Variants in NCAPD2 observed in about 807,000 individuals in gnomAD.
The protein encoded by NCAPD2 is condensin complex subunit 1.
NCAPD2 carries 100 observed loss-of-function variants against 164.5 expected under a neutral mutation model. The observed-to-expected ratio is 0.61, with a 90% CI of 0.52 to 0.72. The LOEUF (loss-of-function observed/expected upper bound fraction) is 0.72. Ranked by LOEUF, NCAPD2 falls within the 30% of genes least tolerant of loss-of-function variation. NCAPD2 has a pLI of 0.00. For synonymous variants in NCAPD2, 585 were observed against 642.6 expected (o/e 0.91, Z 1.36); for missense variants, 1,560 against 1,749.2 (o/e 0.89, Z 1.93).
chr12:6,510,520 A>T, intron 4 of NCAPD2, 109 bp from the exon 5 acceptor site: 1 of 1,299,424 alleles, frequency 7.7e-7, no homozygotes. Context: ...CCACTGAGAG[A>T]TGAAACACAG....
chr12:6,498,272 A>G (rs530647947), intron 2 of NCAPD2, among the ~76,000 whole-genome samples: 5 of 152,332 alleles, frequency 3.3e-5, no homozygotes, highest in African/African-American at 1.2e-4. Context: ...CCTGAATACA[A>G]CTTCTCCTAT....
At chr12:6,510,266 T>A in intron 4 of NCAPD2, 133 bp downstream of exon 4, 2 of 1,027,690 alleles carry the variant, frequency 1.9e-6, no homozygotes, top group South Asian at 1.3e-5. Context: ...TTGGTTTGGC[T>A]AAGCCCAGGG....
At chr12:6,517,157 G>T in intron 10 of NCAPD2, 132 bp downstream of exon 10, 1 of 1,279,036 alleles carries the variant, frequency 7.8e-7, no homozygotes, top group South Asian at 1.4e-5. Context: ...AGTAGTAAAA[G>T]TCTTCCTCTA....
intron 2 of NCAPD2, among the ~76,000 whole-genome samples, chr12:6,497,221 A>C (rs1024192420): frequency 2.6e-5 from 4 of 152,170 alleles, no homozygotes; most frequent in African/African-American, 9.7e-5. Flanking sequence ...TATATGTGTC[A>C]CCAATTGAAC....
Position 6,528,111 on chromosome 12 carries a change from C to T in NCAPD2, c.3143+20C>T, listed in dbSNP as rs550762161. 8.1e-6 allele frequency: 13 copies of T among 1,614,074 alleles called. No individual in the cohort carries two copies. Among genetic ancestry groups the T allele is most frequent in the Admixed American group, 6.7e-5 (4 of 60,006 alleles). On this transcript the variant is annotated intron_variant, in intron 24 of 31. Transcript: ENST00000315579. The surrounding 1 kb of genome is among the most constrained non-coding windows in gnomAD (Gnocchi z 5.1). Reference sequence around the variant, plus strand: ...GATCAGGTAGGCCGTGGGGTTGGTACCCCCTTCTCAAGGAAGATGGGGATG... The same window carrying T: ...GATCAGGTAGGCCGTGGGGTTGGTATCCCCTTCTCAAGGAAGATGGGGATG...
intron 3 of NCAPD2, 105 bp from the exon 4 acceptor site, chr12:6,509,970 C>A: frequency 8.9e-6 from 12 of 1,346,410 alleles, no homozygotes; most frequent in Non-Finnish European, 1.3e-5. Context: ...TGAACAATTT[C>A]ACGTGTATTT....
chr12:6,531,499 GTC>G lies in NCAPD2; in HGVS notation c.*91_*92del. 1.3e-6 allele frequency: 2 copies of G among 1,533,278 alleles called. No homozygotes were observed. Among genetic ancestry groups the G allele is most frequent in the Non-Finnish European group, 8.7e-7 (1 of 1,144,654 alleles). The allele number at this position is 1,533,278 out of a possible 1,614,324, so 95.0% of individuals were successfully genotyped here. On this transcript the variant is annotated 3_prime_UTR_variant, in exon 32 of 32. Transcript: ENST00000315579. The surrounding 1 kb of genome is among the most constrained non-coding windows in gnomAD (Gnocchi z 4.1). ...TGTTTCCCTTGTAAAATATTTGTCTGTCTCTTTTTTTTAAAAAAAAAAAAGGC... is the reference window on the plus strand; with the variant it reads ...TGTTTCCCTTGTAAAATATTTGTCTGTCTTTTTTTTAAAAAAAAAAAAGGC...
intron 22 of NCAPD2, 51 bp downstream of exon 22, chr12:6,527,114 G>A (rs1946324838): frequency 1.3e-6 from 2 of 1,525,124 alleles, no homozygotes; most frequent in Non-Finnish European, 1.8e-6. Flanking sequence ...CCTCAGCTCA[G>A]AACTGAGCTG....
Position 6,526,528 on chromosome 12 carries a change from G to A in NCAPD2, c.2647G>A (p.Glu883Lys), listed in dbSNP as rs762710261. 13 of 1,614,048 alleles carry A rather than the reference G, an allele frequency of 8.1e-6. No individual in the cohort carries two copies. The highest frequency in any genetic ancestry group is 2.7e-5 in the African/African-American group (2 of 74,922). Residue 883 changes from glutamate (E) to lysine (K), a missense_variant, in exon 21 of 32, where the codon GAA (glutamate) becomes AAA (lysine). Coordinates refer to ENST00000315579, the MANE Select transcript of NCAPD2 (RefSeq NM_014865.4). ...TLIYQLAEGP[E>K]VICAQILQGC... ...CATTTACCAACTGGCAGAGGGCCCC[G>A]AAGTGATCTGTGCCCAGATATTGCA... is the stretch of plus-strand genomic sequence containing the variant.
In NCAPD2 at chr12:6,528,182, C is replaced by T; in HGVS notation, c.3153C>T (p.Phe1051=). ...LGKFCMISAT[F]CDSQLRLLFT... ...CTCTTCTTGCTCTTAGTGCCACTTT[C>T]TGCGACTCCCAGCTTCGTCTTCTGT... Residue 1051 remains phenylalanine (F), a synonymous_variant, in exon 25 of 32, where the codon TTC becomes TTT. Coordinates refer to ENST00000315579, the MANE Select transcript of NCAPD2 (RefSeq NM_014865.4). The surrounding 1 kb of genome is among the most constrained non-coding windows in gnomAD (Gnocchi z 5.1). The T allele has an allele frequency of 6.2e-7, 1 of 1,614,222 alleles. No individual in the cohort carries two copies. The highest frequency in any genetic ancestry group is 8.5e-7 in the Non-Finnish European group (1 of 1,180,048).
chr12:6,494,448 C>T (rs1480119746), intron 1 of NCAPD2, among the ~76,000 whole-genome samples: 2 of 152,214 alleles, frequency 1.3e-5, no homozygotes, highest in Admixed American at 1.3e-4. Flanking sequence ...TATTATTATG[C>T]ACCTCATGGG....
intron 10 of NCAPD2, 134 bp downstream of exon 10, chr12:6,517,159 C>G: frequency 7.9e-7 from 1 of 1,262,654 alleles, no homozygotes; most frequent in Non-Finnish European, 1.1e-6. Context: ...TAGTAAAAGT[C>G]TTCCTCTACC....
chr12:6,531,604 G>C lies in NCAPD2; in HGVS notation c.*192G>C. On this transcript the variant is annotated 3_prime_UTR_variant, in exon 32 of 32. Transcript: ENST00000315579. This position sits in a 1 kb window ranked among gnomAD's most constrained non-coding sequence, Gnocchi z 4.1. ...GTGGATAACCTGAGGTAGGGAGTTCGAGACCAGCCTGACCAACATGGAGAA... is the reference window on the plus strand; with the variant it reads ...GTGGATAACCTGAGGTAGGGAGTTCCAGACCAGCCTGACCAACATGGAGAA... The C allele has an allele frequency of 1.8e-6, 2 of 1,139,644 alleles. No homozygotes were observed. The highest frequency in any genetic ancestry group is 2.5e-6 in the Non-Finnish European group (2 of 812,072). 70.6% of individuals were successfully genotyped at this position (1,139,644 alleles called of 1,614,324 possible). A position where few individuals can be genotyped will look rare whatever the true frequency, so the allele number is the denominator to read the frequency against.
chr12:6,530,224 G>C (rs1435565582), intron 29 of NCAPD2, among the ~76,000 whole-genome samples: 2 of 152,240 alleles, frequency 1.3e-5, no homozygotes, highest in East Asian at 3.9e-4. Flanking sequence ...GCAGTTTTAG[G>C]TTCAAAGCAA....
chr12:6,517,945 CA>C lies in NCAPD2; in HGVS notation c.1578del (p.Ala527LeufsTer26). 1 of 1,613,644 alleles carries C rather than the reference CA, an allele frequency of 6.2e-7. No homozygotes were observed. Among genetic ancestry groups the C allele is most frequent in the Non-Finnish European group, 8.5e-7 (1 of 1,179,982 alleles). On this transcript the variant is annotated frameshift_variant, in exon 13 of 32. Coordinates refer to ENST00000315579, the MANE Select transcript of NCAPD2 (RefSeq NM_014865.4). LOFTEE classifies it high-confidence loss of function. ...VKGRIYQLLAKASYKKAIILT... is the reference protein window; with the variant it reads ...VKGRIYQLLAXASYKKAIILT... ...AAGGACGCATCTATCAACTGCTTGC[CA>C]AAGCTAGTTACAAGTAGGCAAAAGA... is the stretch of plus-strand genomic sequence containing the variant.
At chr12:6,499,761 G>A (rs1373085208) in intron 2 of NCAPD2, among the ~76,000 whole-genome samples, 1 of 152,180 alleles carries the variant, frequency 6.6e-6, no homozygotes, top group African/African-American at 2.4e-5. Context: ...ACCCCAGAAA[G>A]TGAGAACACA....
chr12:6,517,722 G>C lies in NCAPD2; in HGVS notation c.1408+39G>C, dbSNP rs199499240. On this transcript the variant is annotated intron_variant, in intron 12 of 31. Coordinates refer to ENST00000315579, the MANE Select transcript of NCAPD2 (RefSeq NM_014865.4). ...GCCTTGGAGTCCTAATGCCAGACAG[G>C]CTTCTCCTTGCAGTCAGAAACTCTA... The C allele has an allele frequency of 1.9e-4, 309 of 1,614,090 alleles. 1 individual carries two copies. In the African/African-American group the frequency reaches 3.7e-3, roughly 19 times the overall value.
intron 2 of NCAPD2, among the ~76,000 whole-genome samples, chr12:6,499,352 C>T (rs531106827): frequency 6.6e-6 from 1 of 152,028 alleles, no homozygotes; most frequent in African/African-American, 2.4e-5. Flanking sequence ...GCTGGGACTA[C>T]AGGTAAGTGC....
At chr12:6,497,338 G>A (rs1945993673) in intron 2 of NCAPD2, among the ~76,000 whole-genome samples, 1 of 150,368 alleles carries the variant, frequency 6.7e-6, no homozygotes, top group South Asian at 2.1e-4. Context: ...TACAGGATGT[G>A]CAAGTTTGTT....
Sources: allele counts gnomAD v4.1 joint callset (sites outside exome capture counted in the v4.1 genomes callset), GRCh38; gene constraint gnomAD v4.1.1; non-coding constraint Gnocchi (gnomAD v3.1); transcripts MANE v1.5; gene names NCBI Gene and HGNC (gene_info 2026-07-23, HGNC 2026-07-21).